LRTM1: variants seen among roughly 807,000 people sequenced by gnomAD.
The protein encoded by LRTM1 is leucine-rich repeat and transmembrane domain-containing protein 1.
Under a neutral mutation model 32.4 loss-of-function variants are expected in LRTM1, and 38 were observed. That is an observed-to-expected ratio of 1.17 (90% CI 0.91 to 1.54). LRTM1 has a LOEUF of 1.54. Ranked by LOEUF, LRTM1 falls within the 40% of genes most tolerant of loss-of-function variation. The pLI is 0.00. For missense variants in LRTM1, 466 were observed against 415.4 expected (o/e 1.12, Z -1.06); for synonymous variants, 186 against 169.9 (o/e 1.09, Z -0.74).
At chr3:54,964,935 T>C (rs4955915) in intron 1 of LRTM1, among the ~76,000 whole-genome samples, 59,098 of 151,912 alleles carry the variant, frequency 0.39, 13,141 homozygotes, top group East Asian at 0.56. Flanking sequence ...TCCCATTTTA[T>C]AGGCCCTTTC....
chr3:54,921,015 T>A (rs1175012468), intron 2 of LRTM1, among the ~76,000 whole-genome samples: 2 of 152,172 alleles, frequency 1.3e-5, no homozygotes, highest in African/African-American at 4.8e-5. Context: ...CAGGTGATCC[T>A]CAGCCGGGAT....
chr3:54,955,623 T>G (rs1701867921), intron 1 of LRTM1, among the ~76,000 whole-genome samples: 1 of 152,138 alleles, frequency 6.6e-6, no homozygotes, highest in Non-Finnish European at 1.5e-5. Context: ...CTTTGGGATA[T>G]CATTCTTTGA....
intron 1 of LRTM1, among the ~76,000 whole-genome samples, chr3:54,946,871 G>A (rs1022677405): frequency 6.6e-6 from 1 of 151,876 alleles, no homozygotes; most frequent in Admixed American, 6.6e-5. Context: ...GTACTCTTAA[G>A]GCATGGAGCT....
In LRTM1 at chr3:54,946,036, A is replaced by G. The variant is rs145383815; in HGVS notation, c.-221-20821T>C. Among the ~76,000 whole-genome samples, 30 of 152,334 alleles carry G rather than the reference A, an allele frequency of 2.0e-4. No homozygotes were observed. The East Asian group carries it at 5.8e-3, about 29-fold the overall frequency. ...AGGAAAACGAGTACCCTGCCTCATT[A>G]TCACATTTCCTTGGTTCTAAGATGC... is the stretch of plus-strand genomic sequence containing the variant. On this transcript the variant is annotated intron_variant, in intron 1 of 2. Coordinates refer to the LRTM1 transcript ENST00000493075.
At chr3:54,940,808 T>C (rs546015786) in intron 1 of LRTM1, among the ~76,000 whole-genome samples, 44 of 152,288 alleles carry the variant, frequency 2.9e-4, no homozygotes, top group Non-Finnish European at 6.3e-4. Flanking sequence ...GTGGAATTTT[T>C]CTGAAACCCA....
At chr3:54,929,918 A>G (rs1374851660), upstream of LRTM1, among the ~76,000 whole-genome samples, 2 of 152,178 alleles carry the variant, frequency 1.3e-5, no homozygotes, top group Non-Finnish European at 2.9e-5. Flanking sequence ...TCCTTCTAAG[A>G]ACTAGAAAGT....
At chr3:54,927,246 C>T (rs920330351) in intron 1 of LRTM1, among the ~76,000 whole-genome samples, 1 of 152,118 alleles carries the variant, frequency 6.6e-6, no homozygotes, top group African/African-American at 2.4e-5. Context: ...TGCTCTAGGG[C>T]AATAGGGAAG....
intron 1 of LRTM1, among the ~76,000 whole-genome samples, chr3:54,959,567 A>G (rs1463388740): frequency 6.6e-6 from 1 of 152,146 alleles, no homozygotes; most frequent in East Asian, 1.9e-4. Flanking sequence ...CAATTTTGTT[A>G]TGGTCTCTTT....
chr3:54,951,294 T>C (rs1346524327), intron 1 of LRTM1, among the ~76,000 whole-genome samples: 2 of 152,308 alleles, frequency 1.3e-5, no homozygotes, highest in South Asian at 2.1e-4. Context: ...ACCTCTGTAA[T>C]AGCCAAGCCG....
intron 1 of LRTM1, among the ~76,000 whole-genome samples, chr3:54,954,108 G>T (rs1701823886): frequency 6.6e-6 from 1 of 152,196 alleles, no homozygotes; most frequent in South Asian, 2.1e-4. Context: ...GTTTACCTGA[G>T]GCCAAAGAGA....
At chr3:54,950,309 AT>A (rs1310337440) in intron 1 of LRTM1, among the ~76,000 whole-genome samples, 3 of 152,196 alleles carry the variant, frequency 2.0e-5, no homozygotes, top group African/African-American at 7.2e-5. Flanking sequence ...GCTGGGAGAG[AT>A]TTATTTTAAT....
At chr3:54,945,623 C>T (rs1701593388) in intron 1 of LRTM1, among the ~76,000 whole-genome samples, 1 of 152,206 alleles carries the variant, frequency 6.6e-6, no homozygotes, top group African/African-American at 2.4e-5. Context: ...GTCAGTGCCT[C>T]TCAGCCCACC....
At chr3:54,960,837 C>G (rs911054388) in intron 1 of LRTM1, among the ~76,000 whole-genome samples, 2 of 152,152 alleles carry the variant, frequency 1.3e-5, no homozygotes, top group Non-Finnish European at 2.9e-5. Context: ...TGAGTTATGT[C>G]CTAATTCACA....
chr3:54,936,363 T>C (rs1252063337), intron 1 of LRTM1, among the ~76,000 whole-genome samples: 1 of 152,168 alleles, frequency 6.6e-6, no homozygotes, highest in African/African-American at 2.4e-5. Context: ...AAAGCCTTTG[T>C]GTGTGTGCCT....
chr3:54,956,457 A>G (rs776133119), intron 1 of LRTM1, among the ~76,000 whole-genome samples: 1 of 152,218 alleles, frequency 6.6e-6, no homozygotes, highest in Admixed American at 6.5e-5. Flanking sequence ...TTTAAAGGCC[A>G]GGAAATGCAG....
rs9858893 is a variant in LRTM1 at position 54,918,339 on chromosome 3, T to C, written c.*120A>G. On this transcript the variant is annotated 3_prime_UTR_variant, in exon 3 of 3. Coordinates refer to ENST00000273286, the MANE Select transcript of LRTM1 (RefSeq NM_020678.4). ...GACACATCTTTTTTTTTTCTTTTTT[T>C]TTTTTTTTTTTTTTTTGTCTTTTGG... 2,126 of 328,776 alleles carry C rather than the reference T, an allele frequency of 6.5e-3. 12 individuals are homozygous for C. Among genetic ancestry groups the C allele is most frequent in the African/African-American group, 0.048 (1,924 of 40,480 alleles). 20.4% of individuals were successfully genotyped at this position (328,776 alleles called of 1,614,324 possible).
chr3:54,924,948 C>G lies in LRTM1; in HGVS notation c.275G>C (p.Gly92Ala), dbSNP rs141303357. 1.3e-3 allele frequency: 2,032 copies of G among 1,611,302 alleles called. 2 individuals carry two copies. Among genetic ancestry groups the G allele is most frequent in the Middle Eastern group, 2.3e-3 (14 of 6,054 alleles). Residue 92 changes from glycine (G) to alanine (A), a missense_variant, in exon 2 of 3, where the codon GGA (glycine) becomes GCA (alanine). Gly to Ala is a moderately conservative substitution (Grantham distance 60, BLOSUM62 0). Coordinates refer to ENST00000273286, the MANE Select transcript of LRTM1 (RefSeq NM_020678.4). Reference sequence around the variant, plus strand: ...CAAGTGCTGAAGCCCATGGAAAGCTCCAGGGGCCAGATTTGAAAGGGAATT... The same window carrying G: ...CAAGTGCTGAAGCCCATGGAAAGCTGCAGGGGCCAGATTTGAAAGGGAATT... The part of the protein sequence containing the change: ...SNNSLSNLAP[G>A]AFHGLQHLQV...
intron 1 of LRTM1, among the ~76,000 whole-genome samples, chr3:54,950,405 C>T (rs1701729207): frequency 6.6e-6 from 1 of 152,174 alleles, no homozygotes; most frequent in Admixed American, 6.5e-5. Context: ...ACCCCCTCCT[C>T]ATTTTAGGGA....
Position 54,953,829 on chromosome 3 carries a change from C to T in LRTM1, c.-222+13099G>A, listed in dbSNP as rs543096717. ...GTCAGTGCGCACAACCCTAGGTTCT[C>T]TTCCAGGATCAGCCCCAAGCAGACC... On this transcript the variant is annotated intron_variant, in intron 1 of 2. Coordinates refer to the LRTM1 transcript ENST00000493075. Among the ~76,000 whole-genome samples, 481 of 152,248 alleles carry T rather than the reference C, an allele frequency of 3.2e-3. 3 individuals carry two copies. The highest frequency in any genetic ancestry group is 0.011 in the African/African-American group (453 of 41,554).
Sources: allele counts gnomAD v4.1 joint callset (sites outside exome capture counted in the v4.1 genomes callset), GRCh38; gene constraint gnomAD v4.1.1; transcripts MANE v1.5; gene names NCBI Gene and HGNC (gene_info 2026-07-23, HGNC 2026-07-21).